ITGA8: variants seen among roughly 807,000 people sequenced by gnomAD.
The protein encoded by ITGA8 is integrin alpha-8.
In ITGA8, 91 loss-of-function variants were observed where a neutral mutation model predicts 142.3. The ratio of observed to expected loss-of-function variants is 0.64; its 90% CI spans 0.54 to 0.76. ITGA8 has a LOEUF of 0.76. Ranked by LOEUF, ITGA8 falls within the 30% of genes least tolerant of loss-of-function variation. ITGA8 has a pLI of 0.00. For missense variants in ITGA8, 1,406 were observed against 1,327.7 expected (o/e 1.06, Z -0.92); for synonymous variants, 505 against 485.2 (o/e 1.04, Z -0.54).
At chr10:15,593,482 C>A (rs1320420056) in intron 21 of ITGA8, among the ~76,000 whole-genome samples, 1 of 152,140 alleles carries the variant, frequency 6.6e-6, no homozygotes, top group African/African-American at 2.4e-5. Flanking sequence ...AGGTGCATTG[C>A]AAATAAATCA....
intron 1 of ITGA8, 24 bp downstream of exon 1, chr10:15,719,539 A>G: frequency 6.6e-7 from 1 of 1,524,886 alleles, no homozygotes; most frequent in Middle Eastern, 1.8e-4. Flanking sequence ...CCCCGCGCGC[A>G]CCTCCCCGGG....
intron 4 of ITGA8, among the ~76,000 whole-genome samples, chr10:15,679,035 A>T (rs890244447): frequency 2.0e-5 from 3 of 152,116 alleles, no homozygotes; most frequent in Admixed American, 2.0e-4. Flanking sequence ...TGGCTACTCT[A>T]TTGGGTTTTA....
chr10:15,637,162 A>T (rs1833785815), intron 13 of ITGA8, among the ~76,000 whole-genome samples: 1 of 152,226 alleles, frequency 6.6e-6, no homozygotes, highest in South Asian at 2.1e-4. Flanking sequence ...GATTTTAAAC[A>T]GAGGCTGTCC....
At chr10:15,546,853 AGG>A (rs1833681975) in intron 27 of ITGA8, among the ~76,000 whole-genome samples, 8 of 148,510 alleles carry the variant, frequency 5.4e-5, no homozygotes, top group African/African-American at 2.0e-4. Context: ...AAGGGAAATG[AGG>A]GGAAGGGAAA....
At chr10:15,680,446 G>T (rs1041420062) in intron 4 of ITGA8, among the ~76,000 whole-genome samples, 1 of 151,520 alleles carries the variant, frequency 6.6e-6, no homozygotes, top group African/African-American at 2.4e-5. Context: ...ATGATTTATG[G>T]TCATGAATCC....
At chr10:15,541,728 T>G (rs1290472542) in intron 27 of ITGA8, among the ~76,000 whole-genome samples, 2 of 151,930 alleles carry the variant, frequency 1.3e-5, no homozygotes, top group Non-Finnish European at 2.9e-5. Context: ...CCCTCTGATG[T>G]CAACTACAGA....
intron 4 of ITGA8, among the ~76,000 whole-genome samples, chr10:15,681,561 C>T (rs751832775): frequency 2.6e-5 from 4 of 152,178 alleles, no homozygotes; most frequent in Non-Finnish European, 5.9e-5. Flanking sequence ...GAAACTTTTC[C>T]CCTACAAGTC....
intron 13 of ITGA8, among the ~76,000 whole-genome samples, chr10:15,620,590 G>A (rs187981314): frequency 4.0e-4 from 61 of 152,320 alleles, no homozygotes; most frequent in African/African-American, 1.4e-3. Context: ...TACCACAAAA[G>A]TATGTTTGCC....
intron 15 of ITGA8, among the ~76,000 whole-genome samples, chr10:15,608,946 G>A (rs1276535456): frequency 1.3e-5 from 2 of 151,924 alleles, no homozygotes; most frequent in Non-Finnish European, 2.9e-5. Context: ...GAAGAGGGAG[G>A]GGAGAAAGAG....
chr10:15,708,074 G>C (rs139595137), intron 2 of ITGA8, among the ~76,000 whole-genome samples: 12 of 151,994 alleles, frequency 7.9e-5, no homozygotes, highest in African/African-American at 2.4e-4. Flanking sequence ...CATCCGACGG[G>C]ACAAAATCTT....
intron 13 of ITGA8, among the ~76,000 whole-genome samples, chr10:15,638,582 C>A (rs1389122015): frequency 6.6e-6 from 1 of 152,202 alleles, no homozygotes; most frequent in African/African-American, 2.4e-5. Context: ...GGAAAACCAA[C>A]CCCATCATAA....
At chr10:15,599,766 C>G (rs182115035) in intron 20 of ITGA8, among the ~76,000 whole-genome samples, 35 of 152,184 alleles carry the variant, frequency 2.3e-4, no homozygotes, top group Non-Finnish European at 4.1e-4. Flanking sequence ...ACTGAAAATA[C>G]AAAAATTAGC....
At chr10:15,588,397 G>A (rs1042601845) in intron 22 of ITGA8, among the ~76,000 whole-genome samples, 2 of 152,140 alleles carry the variant, frequency 1.3e-5, no homozygotes, top group Admixed American at 1.3e-4. Flanking sequence ...TTCACCAGAG[G>A]CTGAACCCCA....
At chr10:15,553,408 T>A (rs1382238596) in intron 26 of ITGA8, among the ~76,000 whole-genome samples, 1 of 152,142 alleles carries the variant, frequency 6.6e-6, no homozygotes, top group Non-Finnish European at 1.5e-5. Flanking sequence ...CTCATTATAT[T>A]TTTCTGTCCA....
At chr10:15,687,470 T>C (rs530037326) in intron 3 of ITGA8, among the ~76,000 whole-genome samples, 4 of 152,316 alleles carry the variant, frequency 2.6e-5, no homozygotes, top group Admixed American at 6.5e-5. Context: ...CTTTAAAAAG[T>C]ATTAATGAAC....
chr10:15,686,030 C>T (rs1488645158), intron 3 of ITGA8, among the ~76,000 whole-genome samples: 2 of 152,330 alleles, frequency 1.3e-5, no homozygotes, highest in Non-Finnish European at 2.9e-5. Flanking sequence ...ACCTGATTCT[C>T]CAAATACTCA....
chr10:15,651,391 G>C (rs1022384516), intron 11 of ITGA8, among the ~76,000 whole-genome samples: 6 of 152,080 alleles, frequency 3.9e-5, no homozygotes, highest in African/African-American at 1.2e-4. Context: ...AGGCTTGACA[G>C]TATTAACCAT....
At chr10:15,694,069 T>A (rs767505527) in intron 2 of ITGA8, among the ~76,000 whole-genome samples, 29 of 147,426 alleles carry the variant, frequency 2.0e-4, no homozygotes, top group Middle Eastern at 3.6e-3. Context: ...TACATATTTT[T>A]AAAAATCTAT....
intron 13 of ITGA8, among the ~76,000 whole-genome samples, chr10:15,636,533 T>C (rs1365611669): frequency 1.3e-5 from 2 of 152,188 alleles, no homozygotes; most frequent in Admixed American, 6.5e-5. Context: ...ATCAAATCTG[T>C]ATATTATATA....
Sources: allele counts gnomAD v4.1 joint callset (sites outside exome capture counted in the v4.1 genomes callset), GRCh38; gene constraint gnomAD v4.1.1; transcripts MANE v1.5; gene names NCBI Gene and HGNC (gene_info 2026-07-23, HGNC 2026-07-21).